The following SUGCT variants were observed in gnomAD, a reference collection of about 807,000 sequenced individuals.
SUGCT encodes succinyl-CoA:glutarate-CoA transferase.
Under a neutral mutation model 55.0 loss-of-function variants are expected in SUGCT, and 41 were observed. That is an observed-to-expected ratio of 0.74 (90% CI 0.58 to 0.97). The LOEUF (loss-of-function observed/expected upper bound fraction) is 0.97. Among genes scored for constraint, SUGCT ranks in the 50% least tolerant of loss-of-function variants. The pLI is 0.00. For synonymous variants in SUGCT, 187 were observed against 200.4 expected (o/e 0.93, Z 0.56); for missense variants, 568 against 547.8 (o/e 1.04, Z -0.37).
chr7:40,937,907 A>G, the SUGCT span, among the ~76,000 whole-genome samples: 49,950 of 152,076 alleles, frequency 0.33, 9,037 homozygotes, highest in Admixed American at 0.45. Context: ...TTTGGGATGA[A>G]ACTATTCCAC....
chr7:41,002,684 A>T, the SUGCT span, among the ~76,000 whole-genome samples: 453 of 152,324 alleles, frequency 3.0e-3, 4 homozygotes, highest in African/African-American at 0.01. Context: ...CGCTATTATG[A>T]ATGATAATAC....
the SUGCT span, among the ~76,000 whole-genome samples, chr7:41,017,771 A>C: frequency 2.8e-5 from 1 of 36,332 alleles, no homozygotes; most frequent in Non-Finnish European, 5.3e-5. Context: ...AGTCCGTCTC[A>C]AAAAAAAAAA....
chr7:40,484,182 C>T (rs1000007154), intron 11 of SUGCT, among the ~76,000 whole-genome samples: 9 of 152,162 alleles, frequency 5.9e-5, no homozygotes, highest in Non-Finnish European at 5.9e-5. Context: ...TATTGATTAT[C>T]TTCTATATAA....
intron 6 of SUGCT, among the ~76,000 whole-genome samples, chr7:40,207,681 G>T (rs1562577278): frequency 6.6e-6 from 1 of 152,102 alleles, no homozygotes; most frequent in African/African-American, 2.4e-5. Flanking sequence ...GCCAGGCGTG[G>T]TGGCGGGCAC....
chr7:40,621,178 T>G (rs1293945332), intron 12 of SUGCT, among the ~76,000 whole-genome samples: 2 of 152,282 alleles, frequency 1.3e-5, no homozygotes, highest in East Asian at 3.9e-4. Flanking sequence ...AGTATTGTAT[T>G]TATTATTGTA....
At chr7:40,742,719 C>T (rs1007458638) in intron 12 of SUGCT, among the ~76,000 whole-genome samples, 3 of 152,140 alleles carry the variant, frequency 2.0e-5, no homozygotes, top group African/African-American at 4.8e-5. Flanking sequence ...AATTTCATGT[C>T]AATTTGTTGT....
chr7:40,501,012 C>CA (rs1220167015), intron 12 of SUGCT, among the ~76,000 whole-genome samples: 1 of 152,016 alleles, frequency 6.6e-6, no homozygotes, highest in Non-Finnish European at 1.5e-5. Context: ...GAGGGTTATA[C>CA]AAGTCAAGCA....
the SUGCT span, among the ~76,000 whole-genome samples, chr7:41,002,509 GC>G: frequency 6.6e-6 from 1 of 152,166 alleles, no homozygotes; most frequent in African/African-American, 2.4e-5. Flanking sequence ...AGAAATCGTT[GC>G]TTGGGAGAGC....
chr7:40,711,196 C>T (rs187861371), intron 12 of SUGCT, among the ~76,000 whole-genome samples: 338 of 152,300 alleles, frequency 2.2e-3, no homozygotes, highest in Admixed American at 4.1e-3. Context: ...AGAGCAACTC[C>T]GACCCAGCCC....
chr7:40,626,176 C>T (rs892788810), intron 12 of SUGCT, among the ~76,000 whole-genome samples: 5 of 152,108 alleles, frequency 3.3e-5, no homozygotes, highest in Non-Finnish European at 5.9e-5. Context: ...TTCCAGCACT[C>T]CTTGACTCCT....
chr7:40,575,169 G>A (rs1796673022), intron 12 of SUGCT, among the ~76,000 whole-genome samples: 1 of 151,788 alleles, frequency 6.6e-6, no homozygotes, highest in African/African-American at 2.4e-5. Context: ...TCTTCGGATC[G>A]TCTGCCTCAA....
intron 13 of SUGCT, among the ~76,000 whole-genome samples, chr7:40,834,049 G>A (rs1204912784): frequency 1.3e-5 from 2 of 152,094 alleles, no homozygotes; most frequent in African/African-American, 4.8e-5. Context: ...CTTCTGTGCT[G>A]TAAAAACCTC....
intron 11 of SUGCT, among the ~76,000 whole-genome samples, chr7:40,490,302 G>T (rs1791610754): frequency 6.6e-6 from 1 of 152,160 alleles, no homozygotes; most frequent in Non-Finnish European, 1.5e-5. Context: ...TATATTTGTT[G>T]CTATGAGCTC....
chr7:40,155,235 A>C (rs916563495), intron 1 of SUGCT, among the ~76,000 whole-genome samples: 1 of 151,996 alleles, frequency 6.6e-6, no homozygotes, highest in African/African-American at 2.4e-5. Flanking sequence ...CAGTGAGCCA[A>C]GATTGCGCCA....
At chr7:40,916,536 CTG>C in the SUGCT span, among the ~76,000 whole-genome samples, 2 of 152,188 alleles carry the variant, frequency 1.3e-5, no homozygotes, top group African/African-American at 4.8e-5. Flanking sequence ...AAGAGATAAA[CTG>C]AATCCTGATA....
rs184070955 is a variant in SUGCT, at chr7:40,424,300, C to T, written c.817-24987C>T. 2.1e-3 allele frequency among the ~76,000 whole-genome samples: 316 copies of T among 152,196 alleles called. 13 individuals carry two copies. The South Asian group carries it at 0.06, about 29-fold the overall frequency. ...TGACAAAAGTATTGGAGTATGTCAGCGCCTGGAAGGCCATTTCTTTTTGCA... is the reference window on the plus strand; with the variant it reads ...TGACAAAAGTATTGGAGTATGTCAGTGCCTGGAAGGCCATTTCTTTTTGCA... On this transcript the variant is annotated intron_variant, in intron 9 of 13. Coordinates refer to ENST00000335693, the MANE Select transcript of SUGCT (RefSeq NM_001193313.2).
At chr7:40,190,889 C>T (rs1384628263) in intron 5 of SUGCT, among the ~76,000 whole-genome samples, 1 of 152,150 alleles carries the variant, frequency 6.6e-6, no homozygotes, top group East Asian at 1.9e-4. Flanking sequence ...GTTTTGCATC[C>T]AGTGAATACT....
chr7:40,275,199 G>T (rs1792383976), intron 8 of SUGCT, among the ~76,000 whole-genome samples: 5 of 152,114 alleles, frequency 3.3e-5, no homozygotes, highest in Admixed American at 2.6e-4. Context: ...GTTTTTACTA[G>T]AATGTGTCTG....
In SUGCT at chr7:40,819,416, C is replaced by T. The variant is rs568281470; in HGVS notation, c.1154-40900C>T. 2.0e-5 allele frequency among the ~76,000 whole-genome samples: 3 copies of T among 152,220 alleles called. No homozygotes were observed. The East Asian group carries it at 5.8e-4, about 29-fold the overall frequency. ...CTATTTCTCCACATCCTCTCCAGCA[C>T]CTGTTGTTTCCTGATTTTTTAATGA... On this transcript the variant is annotated intron_variant, in intron 13 of 13. Transcript: ENST00000335693.
Sources: allele counts gnomAD v4.1 joint callset (sites outside exome capture counted in the v4.1 genomes callset), GRCh38; gene constraint gnomAD v4.1.1; transcripts MANE v1.5; gene names NCBI Gene and HGNC (gene_info 2026-07-23, HGNC 2026-07-21).